The following CDH20 variants were observed in gnomAD, a reference collection of about 807,000 sequenced individuals.
CDH20 encodes cadherin 20.
Under a neutral mutation model 74.2 loss-of-function variants are expected in CDH20, and 29 were observed. The observed-to-expected ratio is 0.39, with a 90% CI of 0.29 to 0.53. The LOEUF is 0.53. Ranked by LOEUF, CDH20 falls within the 20% of genes least tolerant of loss-of-function variation. The pLI is 0.69. For synonymous variants in CDH20, 469 were observed against 405.4 expected, an observed-to-expected ratio of 1.16 and a Z score of -1.88; for missense variants, 988 against 1,048.3, an observed-to-expected ratio of 0.94 and a Z score of 0.79.
intron 10 of CDH20, among the ~76,000 whole-genome samples, chr18:61,547,238 G>A (rs1913281346): frequency 6.6e-6 from 1 of 152,052 alleles, no homozygotes; most frequent in African/African-American, 2.4e-5. Context: ...TAAGGTGGGA[G>A]GATCATTTGA....
chr18:61,515,231 G>T (rs1279036646), intron 6 of CDH20, among the ~76,000 whole-genome samples: 1 of 152,170 alleles, frequency 6.6e-6, no homozygotes, highest in Non-Finnish European at 1.5e-5. Context: ...CGTCGGAAAA[G>T]CGCAATATTC....
chr18:61,499,245 T>C lies in CDH20; in HGVS notation c.306T>C (p.Gly102=). The C allele has an allele frequency of 6.2e-7, 1 of 1,612,858 alleles. No individual in the cohort carries two copies. Among genetic ancestry groups the C allele is most frequent in the African/African-American group, 1.3e-5 (1 of 74,956 alleles). The change falls in exon 3 of 12, where the codon GGT becomes GGC. Residue 102 remains glycine (G), a synonymous_variant. Coordinates refer to ENST00000262717, the MANE Select transcript of CDH20 (RefSeq NM_031891.4). ...GSIKYILSGE[G]AGIVFTIDDT... ...TCAAATACATCCTCTCGGGAGAAGG[T>C]GCTGGCATCGTGTTTACCATCGACG...
intron 1 of CDH20, among the ~76,000 whole-genome samples, chr18:61,460,252 A>G (rs1036433488): frequency 2.6e-5 from 4 of 152,282 alleles, no homozygotes; most frequent in African/African-American, 7.2e-5. Flanking sequence ...TTTAGGGGGG[A>G]AAAAATAAAT....
rs556512375 is a variant in CDH20, at chr18:61,486,645, T to C, written c.-152-3757T>C. On this transcript the variant is annotated intron_variant, in intron 1 of 11. Transcript: ENST00000262717. ...ATCTCCATAAAGTCTCTCTTTTAAGTGCATTTTTGAGACTCTTTCTATAAG... is the reference window on the plus strand; with the variant it reads ...ATCTCCATAAAGTCTCTCTTTTAAGCGCATTTTTGAGACTCTTTCTATAAG... Among the ~76,000 whole-genome samples the C allele has an allele frequency of 2.7e-4, 41 of 152,358 alleles. 1 individual carries two copies. The highest frequency in any genetic ancestry group is 8.8e-5 in the Non-Finnish European group (6 of 68,034).
intron 1 of CDH20, among the ~76,000 whole-genome samples, chr18:61,458,770 T>C (rs1423668610): frequency 1.3e-5 from 2 of 152,204 alleles, no homozygotes; most frequent in African/African-American, 4.8e-5. Context: ...CCAGGATTTG[T>C]GTTTGTTGTG....
intron 10 of CDH20, among the ~76,000 whole-genome samples, chr18:61,546,612 A>G (rs1913261085): frequency 6.6e-6 from 1 of 152,216 alleles, no homozygotes; most frequent in Non-Finnish European, 1.5e-5. Flanking sequence ...ACATTGTAAC[A>G]CATTATATTT....
In CDH20 at chr18:61,446,225, C is replaced by T. The variant is rs1290878100; in HGVS notation, c.-152-44177C>T. Reference sequence around the variant, plus strand: ...GATTTACAGACACGTTGTAAAACTACATACACACAGTTTCACACTTTCTCA... The same window carrying T: ...GATTTACAGACACGTTGTAAAACTATATACACACAGTTTCACACTTTCTCA... On this transcript the variant is annotated intron_variant, in intron 1 of 11. Coordinates refer to ENST00000262717, the MANE Select transcript of CDH20 (RefSeq NM_031891.4). Among the ~76,000 whole-genome samples the T allele has an allele frequency of 2.0e-5, 3 of 152,328 alleles. No individual in the cohort carries two copies. The East Asian group carries it at 5.8e-4, about 29-fold the overall frequency.
At chr18:61,425,040 CCTCTCTCT>C (rs10535853) in intron 1 of CDH20, among the ~76,000 whole-genome samples, 3,545 of 134,664 alleles carry the variant, frequency 0.026, 89 homozygotes, top group African/African-American at 0.065. Flanking sequence ...CTTCCCCGCT[CCTCTCTCT>C]CTCTCTCTCT....
In CDH20 at chr18:61,366,043, T is replaced by C. The variant is rs114515512; in HGVS notation, c.-153+32216T>C. 2.6e-3 allele frequency among the ~76,000 whole-genome samples: 389 copies of C among 152,288 alleles called. 2 individuals are homozygous for C. Among genetic ancestry groups the C allele is most frequent in the African/African-American group, 9.0e-3 (373 of 41,532 alleles). ...TTTTAAGCCTCTTACAGTTTTCATATGCATTATCTAATTTGATTTTCATAA... is the reference window on the plus strand; with the variant it reads ...TTTTAAGCCTCTTACAGTTTTCATACGCATTATCTAATTTGATTTTCATAA... On this transcript the variant is annotated intron_variant, in intron 1 of 11. Coordinates refer to ENST00000262717, the MANE Select transcript of CDH20 (RefSeq NM_031891.4).
intron 1 of CDH20, among the ~76,000 whole-genome samples, chr18:61,465,696 A>G (rs1167637686): frequency 6.6e-6 from 1 of 152,154 alleles, no homozygotes; most frequent in Non-Finnish European, 1.5e-5. Flanking sequence ...TGAAGCAAGA[A>G]GGTCAACAGC....
intron 1 of CDH20, among the ~76,000 whole-genome samples, chr18:61,467,922 T>G (rs1280759220): frequency 1.3e-5 from 2 of 152,218 alleles, no homozygotes; most frequent in Non-Finnish European, 2.9e-5. Flanking sequence ...TCTGCCCCAT[T>G]ACCTCACATA....
chr18:61,396,157 A>G (rs1476801042), intron 1 of CDH20, among the ~76,000 whole-genome samples: 1 of 151,978 alleles, frequency 6.6e-6, no homozygotes, highest in Admixed American at 6.6e-5. Context: ...CTTTAACCTT[A>G]ATAGCTATTT....
At chr18:61,488,552 A>G (rs1910847963) in intron 1 of CDH20, among the ~76,000 whole-genome samples, 1 of 152,178 alleles carries the variant, frequency 6.6e-6, no homozygotes, top group Non-Finnish European at 1.5e-5. Flanking sequence ...GGAAACTGAA[A>G]TTCATACAAC....
At chr18:61,502,535 A>T (rs566677938) in intron 4 of CDH20, among the ~76,000 whole-genome samples, 1 of 152,224 alleles carries the variant, frequency 6.6e-6, no homozygotes, top group Non-Finnish European at 1.5e-5. Flanking sequence ...GGGGCTGAAG[A>T]AACTGAGGGA....
chr18:61,476,338 G>A (rs772111121), intron 1 of CDH20, among the ~76,000 whole-genome samples: 5 of 152,008 alleles, frequency 3.3e-5, no homozygotes, highest in African/African-American at 4.8e-5. Flanking sequence ...AAAGATGCCC[G>A]GCAGCCCCCA....
At chr18:61,484,737 C>CCACACACA (rs36203080) in intron 1 of CDH20, among the ~76,000 whole-genome samples, 13 of 146,246 alleles carry the variant, frequency 8.9e-5, no homozygotes, top group African/African-American at 2.8e-4. Flanking sequence ...TTGCTCTACT[C>CCACACACA]CACACACACA....
intron 1 of CDH20, among the ~76,000 whole-genome samples, chr18:61,445,482 TTAA>T (rs1909169725): frequency 6.6e-6 from 1 of 152,214 alleles, no homozygotes. Flanking sequence ...TAGCTTTATA[TTAA>T]TTACTTCCAA....
At chr18:61,491,812 C>T (rs1413047677) in intron 2 of CDH20, among the ~76,000 whole-genome samples, 1 of 152,036 alleles carries the variant, frequency 6.6e-6, no homozygotes, top group South Asian at 2.1e-4. Flanking sequence ...ACCTCAGACA[C>T]TGCTGACCTG....
intron 2 of CDH20, among the ~76,000 whole-genome samples, chr18:61,495,685 T>G (rs1442921444): frequency 6.6e-6 from 1 of 152,146 alleles, no homozygotes; most frequent in Non-Finnish European, 1.5e-5. Context: ...GCTCCAAACC[T>G]GCAGATGCCA....
Sources: allele counts gnomAD v4.1 joint callset (sites outside exome capture counted in the v4.1 genomes callset), GRCh38; gene constraint gnomAD v4.1.1; transcripts MANE v1.5; gene names NCBI Gene and HGNC (gene_info 2026-07-23, HGNC 2026-07-21).